The following CD163L1 variants were observed in gnomAD, a reference collection of about 807,000 sequenced individuals.
CD163L1 encodes the protein scavenger receptor cysteine-rich type 1 protein M160.
CD163L1 carries 124 observed loss-of-function variants against 165.4 expected under a neutral mutation model. The ratio of observed to expected loss-of-function variants is 0.75; its 90% confidence interval spans 0.65 to 0.87. CD163L1 has a LOEUF of 0.87. Ranked by LOEUF, CD163L1 falls within the 40% of genes least tolerant of loss-of-function variation. The probability of loss-of-function intolerance (pLI) is 0.00; values close to 1 mark genes in which losing one functional copy is unlikely to be tolerated. For synonymous variants in CD163L1, 585 were observed against 662.2 expected (o/e 0.88, Z 1.79); for missense variants, 1,525 against 1,799.9 (o/e 0.85, Z 2.76).
chr12:7,397,117 T>C (rs1947794130), intron 7 of CD163L1, among the ~76,000 whole-genome samples: 1 of 152,216 alleles, frequency 6.6e-6, no homozygotes, highest in Non-Finnish European at 1.5e-5. Context: ...GCAATAGATA[T>C]ATACAAAATC....
Position 7,398,211 on chromosome 12 carries a change from A to G in CD163L1, c.1729+53T>C. On this transcript the variant is annotated intron_variant, in intron 7 of 19. Transcript: ENST00000313599. This position sits in a 1 kb window ranked among gnomAD's most constrained non-coding sequence, Gnocchi z 4.5. Reference sequence around the variant, plus strand: ...GTTTATAGACCCAGAAGCCCTTCCTATGAGGAATACTATTTCTCTTATCAG... The same window carrying G: ...GTTTATAGACCCAGAAGCCCTTCCTGTGAGGAATACTATTTCTCTTATCAG... 1.3e-6 allele frequency: 2 copies of G among 1,523,528 alleles called. No individual in the cohort carries two copies. Among genetic ancestry groups the G allele is most frequent in the Non-Finnish European group, 1.8e-6 (2 of 1,119,376 alleles). The allele number at this position is 1,523,528 out of a possible 1,614,324, so 94.4% of individuals were successfully genotyped here.
chr12:7,392,157 T>G (rs1947669880), intron 8 of CD163L1, among the ~76,000 whole-genome samples: 2 of 152,144 alleles, frequency 1.3e-5, no homozygotes, highest in Admixed American at 1.3e-4. Flanking sequence ...ATTCTAAAAT[T>G]GACCACATAA....
At position 7,433,469 on chromosome 12, in the gene CD163L1, C is replaced by G; in HGVS notation, c.350G>C (p.Cys117Ser). 1 of 1,614,094 alleles carries G rather than the reference C, an allele frequency of 6.2e-7. No individual in the cohort carries two copies. The highest frequency in any genetic ancestry group is 8.5e-7 in the Non-Finnish European group (1 of 1,179,976). Residue 117 changes from cysteine to serine, a missense_variant, in exon 3 of 20, where the codon TGT becomes TCT. By Grantham distance (112) the Cys-to-Ser change is moderately radical. Transcript: ENST00000313599. The part of the protein sequence containing the change: ...HGKIWLDDVS[C>S]YGNESALWEC... ...CCAGAGAGCTGACTCATTTCCATAA[C>G]AGGAAACATCATCAAGCCAAATTTT... is the stretch of plus-strand genomic sequence containing the variant.
chr12:7,436,797 T>A (rs1012710123), intron 2 of CD163L1, among the ~76,000 whole-genome samples: 7 of 152,012 alleles, frequency 4.6e-5, no homozygotes, highest in Admixed American at 2.6e-4. Flanking sequence ...AAAATGACAA[T>A]TTCTGTGTCA....
At chr12:7,357,586 T>C (rs1946804490) in intron 18 of CD163L1, 100 bp from the exon 19 acceptor site, 1 of 877,988 alleles carries the variant, frequency 1.1e-6, no homozygotes, top group Non-Finnish European at 1.8e-6. Flanking sequence ...GAAAGTATAA[T>C]AGAGCAAGAG....
rs1947184530 is a variant in CD163L1, at chr12:7,373,453, C to T, written c.3597G>A (p.Lys1199=). Reference sequence around the variant, plus strand: ...CCACCCACATGAAACCAGAGCCTGTCTTAGATAAAGGGGCGAGGCTGACAA... The same window carrying T: ...CCACCCACATGAAACCAGAGCCTGTTTTAGATAAAGGGGCGAGGCTGACAA... The part of the protein sequence containing the change: ...NGVVSLAPLS[K]TGSGFMWVDD... Residue 1199 remains lysine, a synonymous_variant, in exon 14 of 20, where the codon AAG becomes AAA. Coordinates refer to ENST00000313599, the MANE Select transcript of CD163L1 (RefSeq NM_174941.6). 6.2e-7 allele frequency: 1 copy of T among 1,614,210 alleles called. No homozygotes were observed. The highest frequency in any genetic ancestry group is 1.7e-5 in the Admixed American group (1 of 60,036).
chr12:7,376,142 T>C lies in CD163L1; in HGVS notation c.2372-128A>G, dbSNP rs1947269341. ...ATTAGAACATCCCATTCGTAGGGGCTCAGAGGACAAGATTAGCAGTACAGA... is the reference window on the plus strand; with the variant it reads ...ATTAGAACATCCCATTCGTAGGGGCCCAGAGGACAAGATTAGCAGTACAGA... On this transcript the variant is annotated intron_variant, in intron 9 of 19. Coordinates refer to ENST00000313599, the MANE Select transcript of CD163L1 (RefSeq NM_174941.6). The C allele has an allele frequency of 1.7e-5, 13 of 747,114 alleles. No individual in the cohort carries two copies. In the South Asian group the frequency reaches 2.1e-4, roughly 12 times the overall value. 46.3% of individuals were successfully genotyped at this position (747,114 alleles called of 1,614,324 possible).
At chr12:7,393,360 C>A (rs1470218168) in intron 8 of CD163L1, among the ~76,000 whole-genome samples, 1 of 152,080 alleles carries the variant, frequency 6.6e-6, no homozygotes, top group Non-Finnish European at 1.5e-5. Context: ...AGGCCTTAGA[C>A]AAAATTTAAC....
chr12:7,401,040 T>C (rs905798671), intron 6 of CD163L1, among the ~76,000 whole-genome samples: 1 of 152,186 alleles, frequency 6.6e-6, no homozygotes, highest in Non-Finnish European at 1.5e-5. Flanking sequence ...TCATTTGTTA[T>C]CAAGGAAGTA....
rs779935975 is a variant in CD163L1 at position 7,374,740 on chromosome 12, G to A, written c.3111C>T (p.Arg1037=). The A allele has an allele frequency of 3.7e-6, 6 of 1,613,624 alleles. No individual in the cohort carries two copies. The African/African-American group carries it at 8.0e-5, about 22-fold the overall frequency. ...ALICLEDKRL[R]LVDGDSRCAG... is the part of the protein sequence containing the mutation. Reference sequence around the variant, plus strand: ...CACAGCGGCTGTCCCCATCCACTAGGCGGAGCCGTTTGTCCTCTTAGAGGA... The same window carrying A: ...CACAGCGGCTGTCCCCATCCACTAGACGGAGCCGTTTGTCCTCTTAGAGGA... Residue 1037 remains arginine (R), a synonymous_variant, in exon 13 of 20, where the codon CGC becomes CGT. Coordinates refer to ENST00000313599, the MANE Select transcript of CD163L1 (RefSeq NM_174941.6). This position sits in a 1 kb window ranked among gnomAD's most constrained non-coding sequence, Gnocchi z 5.4.
Position 7,432,442 on chromosome 12 carries a change from T to A in CD163L1, c.740A>T (p.Asn247Ile). ...RGWGNHDCSH[N>I]EDVTLTCYDS... ...ATAACAAGTTAATGTGACATCCTCA[T>A]TGTGACTGCAGTCATGATTTCCCCA... is the stretch of plus-strand genomic sequence containing the variant. The change falls in exon 4 of 20, where the codon AAT becomes ATT. Residue 247 changes from asparagine (N) to isoleucine (I), a missense_variant. Transcript: ENST00000313599. The surrounding 1 kb of genome is among the most constrained non-coding windows in gnomAD (Gnocchi z 4.2). 1 of 1,613,570 alleles carries A rather than the reference T, an allele frequency of 6.2e-7. No individual in the cohort carries two copies. The highest frequency in any genetic ancestry group is 8.5e-7 in the Non-Finnish European group (1 of 1,179,574).
chr12:7,423,146 A>G (rs1948470855), intron 4 of CD163L1, among the ~76,000 whole-genome samples: 1 of 152,158 alleles, frequency 6.6e-6, no homozygotes, highest in Non-Finnish European at 1.5e-5. Flanking sequence ...CCACTGTGCA[A>G]TCAAATTAGA....
At position 7,379,037 on chromosome 12, in the gene CD163L1, C is replaced by T. The variant is rs999063451; in HGVS notation, c.2312G>A (p.Arg771Gln). Residue 771 changes from arginine (R) to glutamine (Q), a missense_variant, in exon 9 of 20, where the codon CGA becomes CAA. By Grantham distance (43) the Arg-to-Gln change is conservative. Coordinates refer to ENST00000313599, the MANE Select transcript of CD163L1 (RefSeq NM_174941.6). ...ACACGCAGTCTGTTTCCACTCCCAT[C>T]GTATACAATCCCAGAGAGAGGCTTC... is the stretch of plus-strand genomic sequence containing the variant. ...GGEASLWDCI[R>Q]WEWKQTACHL... The T allele has an allele frequency of 1.4e-5, 22 of 1,613,988 alleles. No homozygotes were observed. Among genetic ancestry groups the T allele is most frequent in the Admixed American group, 1.2e-4 (7 of 60,000 alleles).
At chr12:7,388,440 A>T (rs768901402) in intron 8 of CD163L1, among the ~76,000 whole-genome samples, 2 of 152,282 alleles carry the variant, frequency 1.3e-5, no homozygotes, top group East Asian at 1.9e-4. Context: ...CAAAACAAAT[A>T]ACCCCATTAC....
chr12:7,396,685 G>A (rs971787039), intron 7 of CD163L1, among the ~76,000 whole-genome samples: 2 of 152,226 alleles, frequency 1.3e-5, no homozygotes, highest in East Asian at 1.9e-4. Context: ...TTCTACCTCC[G>A]CACTTTCTTG....
chr12:7,421,064 T>TGTATATATACGTATGTATATAC (rs1565808872), intron 4 of CD163L1, among the ~76,000 whole-genome samples: 7 of 87,446 alleles, frequency 8.0e-5, no homozygotes, highest in African/African-American at 1.3e-4. Flanking sequence ...TACGTATATA[T>TGTATATATACGTATGTATATAC]GTATATATAC....
chr12:7,381,873 G>C (rs1947415811), intron 8 of CD163L1, among the ~76,000 whole-genome samples: 1 of 151,756 alleles, frequency 6.6e-6, no homozygotes, highest in African/African-American at 2.4e-5. Flanking sequence ...CTCTGAGAGA[G>C]AGTCTTAGGT....
At chr12:7,427,086 A>G (rs1359100247) in intron 4 of CD163L1, among the ~76,000 whole-genome samples, 1 of 152,180 alleles carries the variant, frequency 6.6e-6, no homozygotes, top group Non-Finnish European at 1.5e-5. Context: ...AGGGAGAAAT[A>G]GTAATACGTA....
intron 4 of CD163L1, among the ~76,000 whole-genome samples, chr12:7,410,808 C>T (rs1003564400): frequency 6.7e-6 from 1 of 150,132 alleles, no homozygotes; most frequent in African/African-American, 2.4e-5. Flanking sequence ...CCAGCCTAGG[C>T]GACAGAGCGA....
Sources: gnomAD v4.1 joint callset for allele counts (sites outside exome capture counted in the v4.1 genomes callset) on GRCh38, gnomAD v4.1.1 for gene constraint, Gnocchi (gnomAD v3.1) non-coding constraint, MANE v1.5 for transcripts, NCBI Gene and HGNC (gene_info 2026-07-23, HGNC 2026-07-21) for gene names.